CTNNA2: variants seen among roughly 807,000 people sequenced by gnomAD.
CTNNA2 encodes catenin alpha 2.
Under a neutral mutation model 101.0 loss-of-function variants are expected in CTNNA2, and 42 were observed. The observed-to-expected ratio is 0.42, with a 90% confidence interval of 0.32 to 0.54. The LOEUF (loss-of-function observed/expected upper bound fraction) is 0.54, where lower values mean the gene tolerates loss of function less well. CTNNA2 is among the 20% of genes least tolerant of loss of function. CTNNA2 has a pLI of 0.14. For synonymous variants in CTNNA2, 450 were observed against 456.4 expected (o/e 0.99, Z 0.18); for missense variants, 871 against 1,223.1 (o/e 0.71, Z 4.29).
At chr2:80,641,464 T>A (rs1228042322) in intron 18 of CTNNA2, among the ~76,000 whole-genome samples, 1 of 152,184 alleles carries the variant, frequency 6.6e-6, no homozygotes, top group African/African-American at 2.4e-5. Context: ...AGTCAAATCC[T>A]AATTCTCTTC....
intron 7 of CTNNA2, among the ~76,000 whole-genome samples, chr2:80,252,234 A>T (rs1671821665): frequency 1.3e-5 from 2 of 152,190 alleles, no homozygotes; most frequent in Admixed American, 1.3e-4. Context: ...CTGGAACAGA[A>T]CCTTGCACAT....
At chr2:79,884,805 A>G (rs961888173) in intron 6 of CTNNA2, among the ~76,000 whole-genome samples, 1 of 136,210 alleles carries the variant, frequency 7.3e-6, no homozygotes, top group Non-Finnish European at 1.5e-5. Context: ...CCGATCTGGT[A>G]TTCAGTGGAT....
intron 4 of CTNNA2, among the ~76,000 whole-genome samples, chr2:79,419,311 A>C (rs895091469): frequency 1.3e-5 from 2 of 152,218 alleles, no homozygotes; most frequent in Admixed American, 1.3e-4. Flanking sequence ...AAGTATCAGT[A>C]AGATGGTAAT....
intron 7 of CTNNA2, among the ~76,000 whole-genome samples, chr2:79,975,578 G>A (rs1343117732): frequency 6.6e-6 from 1 of 152,156 alleles, no homozygotes; most frequent in Non-Finnish European, 1.5e-5. Context: ...GTTGTGGCCT[G>A]TGCTTCTGAC....
chr2:79,966,508 T>C (rs141781311), intron 7 of CTNNA2, among the ~76,000 whole-genome samples: 304 of 152,302 alleles, frequency 2.0e-3, no homozygotes, highest in African/African-American at 6.8e-3. Context: ...AGTGCTAGGA[T>C]TACAGGCTTT....
At chr2:79,192,378 C>T (rs1457516375) in intron 1 of CTNNA2, among the ~76,000 whole-genome samples, 1 of 152,146 alleles carries the variant, frequency 6.6e-6, no homozygotes, top group African/African-American at 2.4e-5. Context: ...GACCTTAACC[C>T]TGCATGTTCC....
intron 9 of CTNNA2, among the ~76,000 whole-genome samples, chr2:80,505,674 A>G (rs1688220062): frequency 2.0e-5 from 3 of 152,212 alleles, no homozygotes; most frequent in Non-Finnish European, 4.4e-5. Flanking sequence ...AAGACATTTC[A>G]AGTTGTTCCC....
chr2:79,716,083 A>T lies in CTNNA2; in HGVS notation c.103-28304A>T, dbSNP rs75115575. On this transcript the variant is annotated intron_variant, in intron 2 of 18. Transcript: ENST00000402739. Reference sequence around the variant, plus strand: ...CCCCCTGTTAGGAAGCCACAGGGATATGCTCCACCTAGATGACGTAGTGAA... The same window carrying T: ...CCCCCTGTTAGGAAGCCACAGGGATTTGCTCCACCTAGATGACGTAGTGAA... 4.4e-3 allele frequency among the ~76,000 whole-genome samples: 676 copies of T among 152,202 alleles called. 5 individuals carry two copies. The highest frequency in any genetic ancestry group is 0.016 in the African/African-American group (648 of 41,526).
intron 3 of CTNNA2, among the ~76,000 whole-genome samples, chr2:79,831,456 C>T (rs1678919591): frequency 6.6e-6 from 1 of 150,958 alleles, no homozygotes; most frequent in South Asian, 2.1e-4. Flanking sequence ...TTTTCAAATA[C>T]TTTTTTTTTA....
intron 1 of CTNNA2, among the ~76,000 whole-genome samples, chr2:79,536,574 A>AGT (rs61029469): frequency 0.039 from 5,730 of 146,758 alleles, 243 homozygotes; most frequent in African/African-American, 0.1. Flanking sequence ...TCTCTAAAGA[A>AGT]GTGTGTGTGT....
chr2:79,200,031 C>CAGAG (rs10649485), intron 2 of CTNNA2, among the ~76,000 whole-genome samples: 75 of 149,928 alleles, frequency 5.0e-4, no homozygotes, highest in East Asian at 1.6e-3. Context: ...GAGAATGAGA[C>CAGAG]AGAGAGAGAG....
chr2:80,046,111 T>C (rs1696504937), intron 7 of CTNNA2, among the ~76,000 whole-genome samples: 1 of 152,212 alleles, frequency 6.6e-6, no homozygotes, highest in Admixed American at 6.5e-5. Flanking sequence ...TCCAAGACTT[T>C]TGCAGAATAA....
chr2:79,255,235 T>G (rs967920325), intron 2 of CTNNA2, among the ~76,000 whole-genome samples: 1 of 152,328 alleles, frequency 6.6e-6, no homozygotes, highest in South Asian at 2.1e-4. Flanking sequence ...AATCAATGAA[T>G]AAGATTCAGC....
chr2:79,682,203 T>C (rs1372602902), intron 2 of CTNNA2, among the ~76,000 whole-genome samples: 7 of 151,464 alleles, frequency 4.6e-5, no homozygotes, highest in Admixed American at 4.6e-4. Flanking sequence ...GGTCAGGAGA[T>C]CGAGACCATC....
chr2:79,322,089 A>G lies in CTNNA2; in HGVS notation c.-318+9293A>G, dbSNP rs1196745809. 7.9e-5 allele frequency among the ~76,000 whole-genome samples: 12 copies of G among 152,350 alleles called. 1 individual carries two copies. In the South Asian group the frequency reaches 2.5e-3, roughly 32 times the overall value. Reference sequence around the variant, plus strand: ...ACAGAAACTAATTAGGGAACAATTAATAATTCAAAACTGTAATAAAGCTGT... The same window carrying G: ...ACAGAAACTAATTAGGGAACAATTAGTAATTCAAAACTGTAATAAAGCTGT... On this transcript the variant is annotated intron_variant, in intron 3 of 21. Coordinates refer to the CTNNA2 transcript ENST00000466387.
intron 4 of CTNNA2, among the ~76,000 whole-genome samples, chr2:79,375,884 C>G (rs917676802): frequency 3.3e-5 from 5 of 152,166 alleles, no homozygotes; most frequent in Non-Finnish European, 5.9e-5. Context: ...ATCCTTGGAA[C>G]AAGCATAATC....
At chr2:79,469,103 A>C (rs1670970137) in intron 4 of CTNNA2, among the ~76,000 whole-genome samples, 1 of 152,168 alleles carries the variant, frequency 6.6e-6, no homozygotes, top group Non-Finnish European at 1.5e-5. Flanking sequence ...GGTTTGTTGA[A>C]AAGATCAACA....
chr2:80,408,468 A>G (rs1679262448), intron 8 of CTNNA2, among the ~76,000 whole-genome samples: 1 of 152,184 alleles, frequency 6.6e-6, no homozygotes, highest in Admixed American at 6.5e-5. Context: ...CCAATTACCA[A>G]TTAAATTGTG....
intron 18 of CTNNA2, among the ~76,000 whole-genome samples, chr2:80,640,549 C>T (rs1673353956): frequency 6.6e-6 from 1 of 152,182 alleles, no homozygotes; most frequent in Non-Finnish European, 1.5e-5. Context: ...CCTGGACTTT[C>T]TAGAGGTTTT....
Sources: allele counts gnomAD v4.1 joint callset (sites outside exome capture counted in the v4.1 genomes callset), GRCh38; gene constraint gnomAD v4.1.1; transcripts MANE v1.5; gene names NCBI Gene and HGNC (gene_info 2026-07-23, HGNC 2026-07-21).